Variants in JAKMIP1 observed in about 807,000 individuals in gnomAD.
The protein encoded by JAKMIP1 is janus kinase and microtubule-interacting protein 1.
JAKMIP1 carries 33 observed loss-of-function variants against 113.0 expected under a neutral mutation model. The ratio of observed to expected loss-of-function variants is 0.29; its 90% confidence interval spans 0.22 to 0.39. The LOEUF (loss-of-function observed/expected upper bound fraction) is 0.39. Among genes scored for constraint, JAKMIP1 ranks in the 10% least tolerant of loss-of-function variants. The pLI, the probability that JAKMIP1 is intolerant of heterozygous loss-of-function variation, is 1.00. For synonymous variants in JAKMIP1, 480 were observed against 459.9 expected, an observed-to-expected ratio of 1.04 and a Z score of -0.56; for missense variants, 813 against 1,080.5, an observed-to-expected ratio of 0.75 and a Z score of 3.47.
chr4:6,060,257 G>C (rs1717073711), intron 11 of JAKMIP1, among the ~76,000 whole-genome samples, 167 bp downstream of exon 11: 1 of 152,152 alleles, frequency 6.6e-6, no homozygotes, highest in Admixed American at 6.5e-5. Flanking sequence ...GGTACAGTAG[G>C]GAGCACATTC....
rs1723833058 is a variant in JAKMIP1 at position 6,167,821 on chromosome 4, T to C, written c.-148+32432A>G. ...CTTGTGAGCATCTCAACTTGAAAATTAAAAGACATCTGAGTGCACTGAATG... is the reference window on the plus strand; with the variant it reads ...CTTGTGAGCATCTCAACTTGAAAATCAAAAGACATCTGAGTGCACTGAATG... On this transcript the variant is annotated intron_variant, in intron 1 of 20. Transcript: ENST00000409021. The surrounding 1 kb of genome is among the most constrained non-coding windows in gnomAD (Gnocchi z 5.3). Among the ~76,000 whole-genome samples, 2 of 152,168 alleles carry C rather than the reference T, an allele frequency of 1.3e-5. No individual in the cohort carries two copies. Among genetic ancestry groups the C allele is most frequent in the Admixed American group, 1.3e-4 (2 of 15,276 alleles).
At chr4:6,030,411 G>A (rs1424944811) in intron 19 of JAKMIP1, among the ~76,000 whole-genome samples, 1 of 152,102 alleles carries the variant, frequency 6.6e-6, no homozygotes, top group African/African-American at 2.4e-5. Flanking sequence ...CCTCAGTCCT[G>A]GGCAAACCCA....
rs201118091 is a variant in JAKMIP1 at position 6,042,204 on chromosome 4, G to T, written c.2052C>A (p.Thr684=). 2 of 1,613,620 alleles carry T rather than the reference G, an allele frequency of 1.2e-6. No individual in the cohort carries two copies. Among genetic ancestry groups the T allele is most frequent in the African/African-American group, 2.7e-5 (2 of 74,864 alleles). The change falls in exon 17 of 21, where the codon ACC becomes ACA. Residue 684 remains threonine, a synonymous_variant. Transcript: ENST00000409021. The surrounding 1 kb of genome is among the most constrained non-coding windows in gnomAD (Gnocchi z 5.2). ...CEKWLKQIEG[T]EAALTQKMLD... ...GCATCTTCTGGGTCAGGGCGGCCTC[G>T]GTCCCCTCTATTTGCTTCAGCCACT...
Position 6,026,282 on chromosome 4 carries a change from TA to T in JAKMIP1, c.2446-5del. On this transcript the variant is annotated splice_polypyrimidine_tract_variant and splice_region_variant and intron_variant, in intron 20 of 20. Transcript: ENST00000409021. ...AAAACAAAAAAAGGAACAAAAACTA[TA>T]AAATAATACCAAAAGAAAATGAGGA... is the stretch of plus-strand genomic sequence containing the variant. The T allele has an allele frequency of 1.5e-6, 2 of 1,303,296 alleles. No individual in the cohort carries two copies. Among genetic ancestry groups the T allele is most frequent in the Non-Finnish European group, 2.2e-6 (2 of 927,400 alleles). The allele number at this position is 1,303,296 out of a possible 1,614,324, so 80.7% of individuals were successfully genotyped here.
chr4:6,117,609 G>C (rs865900441), intron 1 of JAKMIP1, among the ~76,000 whole-genome samples: 2 of 152,076 alleles, frequency 1.3e-5, no homozygotes, highest in East Asian at 3.9e-4. Flanking sequence ...GAGATCAACC[G>C]GTCTGACCAA....
intron 1 of JAKMIP1, among the ~76,000 whole-genome samples, chr4:6,163,957 T>A (rs1196429759): frequency 6.6e-6 from 1 of 151,846 alleles, no homozygotes; most frequent in African/African-American, 2.4e-5. Context: ...GCTCAGGAGG[T>A]TTAAGGAAAG....
chr4:6,135,197 T>C lies in JAKMIP1; in HGVS notation c.-147-22200A>G, dbSNP rs1381228870. ...CCCCAACCCCCAGCACCTCAGGACT[T>C]CATGTTTGGAGACAAGGTCTTTATG... On this transcript the variant is annotated intron_variant, in intron 1 of 20. Transcript: ENST00000409021. This position sits in a 1 kb window ranked among gnomAD's most constrained non-coding sequence, Gnocchi z 4.9. 6.6e-6 allele frequency among the ~76,000 whole-genome samples: 1 copy of C among 152,032 alleles called. No individual in the cohort carries two copies. Among genetic ancestry groups the C allele is most frequent in the African/African-American group, 2.4e-5 (1 of 41,410 alleles).
intron 19 of JAKMIP1, 65 bp from the exon 20 acceptor site, chr4:6,029,846 T>A: frequency 8.8e-7 from 1 of 1,131,820 alleles, no homozygotes; most frequent in Non-Finnish European, 1.3e-6. Flanking sequence ...TCTGTTTTTA[T>A]TTTTTATTGT....
At position 6,040,105 on chromosome 4, in the gene JAKMIP1, T is replaced by C. The variant is rs1714122392; in HGVS notation, c.2175+534A>G. Among the ~76,000 whole-genome samples the C allele has an allele frequency of 1.3e-5, 2 of 152,220 alleles. No individual in the cohort carries two copies. Among genetic ancestry groups the C allele is most frequent in the African/African-American group, 4.8e-5 (2 of 41,460 alleles). Reference sequence around the variant, plus strand: ...CTCTCGTGCCAGGAGCACTTAGCTTTGAGTGTGAGGACACAGGAGTTTGAA... The same window carrying C: ...CTCTCGTGCCAGGAGCACTTAGCTTCGAGTGTGAGGACACAGGAGTTTGAA... On this transcript the variant is annotated intron_variant, in intron 18 of 20. Coordinates refer to ENST00000409021, the MANE Select transcript of JAKMIP1 (RefSeq NM_001099433.2). The surrounding 1 kb of genome is among the most constrained non-coding windows in gnomAD (Gnocchi z 5.8).
Position 6,061,542 on chromosome 4 carries a change from C to T in JAKMIP1, c.1560+770G>A, listed in dbSNP as rs1717285329. On this transcript the variant is annotated intron_variant, in intron 10 of 20. Coordinates refer to ENST00000409021, the MANE Select transcript of JAKMIP1 (RefSeq NM_001099433.2). The surrounding 1 kb of genome is among the most constrained non-coding windows in gnomAD (Gnocchi z 5.3). ...ACAGGGCTCTGAGAAAGAGCACAGG[C>T]CCTGAGTCCGAGAAACCTGGCCTCG... is the stretch of plus-strand genomic sequence containing the variant. Among the ~76,000 whole-genome samples, 1 of 152,214 alleles carries T rather than the reference C, an allele frequency of 6.6e-6. No homozygotes were observed. Among genetic ancestry groups the T allele is most frequent in the Admixed American group, 6.5e-5 (1 of 15,284 alleles).
rs1322887585 is a variant in JAKMIP1, at chr4:6,138,532, T to A, written c.-147-25535A>T. ...GATTACAGGCGTGAGCCACTGCACC[T>A]GGCCTAGAATCCAAGTTAAAATTAA... On this transcript the variant is annotated intron_variant, in intron 1 of 20. Coordinates refer to ENST00000409021, the MANE Select transcript of JAKMIP1 (RefSeq NM_001099433.2). The surrounding 1 kb of genome is among the most constrained non-coding windows in gnomAD (Gnocchi z 6.0). Among the ~76,000 whole-genome samples the A allele has an allele frequency of 6.6e-6, 1 of 152,096 alleles. No homozygotes were observed. Among genetic ancestry groups the A allele is most frequent in the Non-Finnish European group, 1.5e-5 (1 of 68,026 alleles).
At chr4:6,047,198 G>A (rs1324658866) in intron 16 of JAKMIP1, among the ~76,000 whole-genome samples, 1 of 152,226 alleles carries the variant, frequency 6.6e-6, no homozygotes, top group Non-Finnish European at 1.5e-5. Flanking sequence ...CGCAAGCCAG[G>A]AGAGGCCTCC....
chr4:6,121,006 C>T (rs1372881267), intron 1 of JAKMIP1, among the ~76,000 whole-genome samples: 1 of 152,088 alleles, frequency 6.6e-6, no homozygotes, highest in African/African-American at 2.4e-5. Context: ...TCAAGACCAG[C>T]CCGGCCAACA....
intron 1 of JAKMIP1, among the ~76,000 whole-genome samples, chr4:6,152,842 G>A (rs1208585741): frequency 7.0e-6 from 1 of 142,400 alleles, no homozygotes; most frequent in Non-Finnish European, 1.6e-5. Flanking sequence ...ATGGTGGTGG[G>A]CTCCTATAGT....
chr4:6,073,565 T>A (rs1313534169), intron 8 of JAKMIP1, among the ~76,000 whole-genome samples: 5 of 152,308 alleles, frequency 3.3e-5, no homozygotes, highest in Admixed American at 3.3e-4. Context: ...GGAATCTGCA[T>A]TTCACAGGCC....
chr4:6,037,776 G>A (rs916923684), intron 18 of JAKMIP1, among the ~76,000 whole-genome samples: 1 of 148,790 alleles, frequency 6.7e-6, no homozygotes, highest in Non-Finnish European at 1.5e-5. Flanking sequence ...CTGAGTCAGA[G>A]GTTAACCCAG....
In JAKMIP1 at chr4:6,038,068, C is replaced by T. The variant is rs60574243; in HGVS notation, c.2176-1961G>A. Among the ~76,000 whole-genome samples the T allele has an allele frequency of 6.3e-3, 662 of 105,600 alleles. 33 individuals are homozygous for T. The highest frequency in any genetic ancestry group is 0.017 in the Middle Eastern group (3 of 180). The allele number at this position is 105,600 out of a possible 152,430, so 69.3% of individuals were successfully genotyped here. A position where few individuals can be genotyped will look rare whatever the true frequency, so the allele number is the denominator to read the frequency against. Reference sequence around the variant, plus strand: ...AGGCTAACCAGTATCCCTCCATCACCGAGGCAGAGGTTAACCCAGTAGCCC... The same window carrying T: ...AGGCTAACCAGTATCCCTCCATCACTGAGGCAGAGGTTAACCCAGTAGCCC... On this transcript the variant is annotated intron_variant, in intron 18 of 20. Coordinates refer to ENST00000409021, the MANE Select transcript of JAKMIP1 (RefSeq NM_001099433.2).
chr4:6,198,804 C>A (rs1022874468), intron 1 of JAKMIP1, among the ~76,000 whole-genome samples: 2 of 152,226 alleles, frequency 1.3e-5, no homozygotes, highest in African/African-American at 4.8e-5. Flanking sequence ...CCCATCCCAG[C>A]TAGTGGAGCC....
rs966558353 is a variant in JAKMIP1 at position 6,064,153 on chromosome 4, C to A, written c.1431+727G>T. On this transcript the variant is annotated intron_variant, in intron 9 of 20. Transcript: ENST00000409021. The surrounding 1 kb of genome is among the most constrained non-coding windows in gnomAD (Gnocchi z 4.3). Reference sequence around the variant, plus strand: ...TGGTGGGGAGCAAGGGGAAGGTCTGCGCTGAATGAAGTCTGCTGTTTAGGA... The same window carrying A: ...TGGTGGGGAGCAAGGGGAAGGTCTGAGCTGAATGAAGTCTGCTGTTTAGGA... 6.6e-6 allele frequency among the ~76,000 whole-genome samples: 1 copy of A among 152,198 alleles called. No individual in the cohort carries two copies.
Sources: gnomAD v4.1 joint callset for allele counts (sites outside exome capture counted in the v4.1 genomes callset) on GRCh38, gnomAD v4.1.1 for gene constraint, Gnocchi (gnomAD v3.1) non-coding constraint, MANE v1.5 for transcripts, NCBI Gene and HGNC (gene_info 2026-07-23, HGNC 2026-07-21) for gene names.